Variants in ELP4 observed in about 807,000 individuals in gnomAD.
The protein encoded by ELP4 is elongator complex protein 4.
Under a neutral mutation model 48.9 loss-of-function variants are expected in ELP4, and 51 were observed. The ratio of observed to expected loss-of-function variants is 1.04; its 90% CI spans 0.83 to 1.32. The LOEUF is 1.32. Among genes scored for constraint, ELP4 ranks in the 40% most tolerant of loss-of-function variants. The pLI, the probability that ELP4 is intolerant of heterozygous loss-of-function variation, is 0.00. For missense variants in ELP4, 519 were observed against 514.6 expected (o/e 1.01, Z -0.08); for synonymous variants, 210 against 189.2 (o/e 1.11, Z -0.90).
intron 9 of ELP4, among the ~76,000 whole-genome samples, chr11:31,692,091 T>C (rs987579395): frequency 1.3e-5 from 2 of 152,156 alleles, no homozygotes; most frequent in Non-Finnish European, 2.9e-5. Flanking sequence ...TCTGAGAAAC[T>C]TCTTACTCAG....
chr11:31,572,193 G>A (rs552632487), intron 3 of ELP4, among the ~76,000 whole-genome samples: 53 of 152,316 alleles, frequency 3.5e-4, no homozygotes, highest in African/African-American at 1.3e-3. Flanking sequence ...ACTTGCTGCA[G>A]TTTCAACTTC....
rs1252832704 is a variant in ELP4 at position 31,694,231 on chromosome 11, C to G, written c.1143+44010C>G. 4.6e-5 allele frequency among the ~76,000 whole-genome samples: 7 copies of G among 152,184 alleles called. No individual in the cohort carries two copies. The East Asian group carries it at 1.4e-3, about 29-fold the overall frequency. On this transcript the variant is annotated intron_variant, in intron 9 of 9. Transcript: ENST00000640961. ...CTTTTGGTGTTTTAGACATGAAGTC[C>G]TTGCCCATGCCTATGTCCTGAATGG...
chr11:31,630,090 T>TA (rs1944828669), intron 6 of ELP4, among the ~76,000 whole-genome samples: 1 of 151,816 alleles, frequency 6.6e-6, no homozygotes, highest in Non-Finnish European at 1.5e-5. Flanking sequence ...GATGATAACA[T>TA]AGGGTGTCTT....
intron 9 of ELP4, among the ~76,000 whole-genome samples, chr11:31,741,613 G>A (rs61879804): frequency 0.23 from 35,373 of 152,102 alleles, 4,572 homozygotes; most frequent in Non-Finnish European, 0.29. Flanking sequence ...TGCAGCCACC[G>A]CTGCTGATAC....
intron 9 of ELP4, among the ~76,000 whole-genome samples, chr11:31,674,115 A>T (rs1200871303): frequency 6.6e-6 from 1 of 152,032 alleles, no homozygotes; most frequent in Non-Finnish European, 1.5e-5. Flanking sequence ...GCAATTCATC[A>T]CTCTATTTAC....
intron 3 of ELP4, among the ~76,000 whole-genome samples, chr11:31,561,190 A>G (rs1375407882): frequency 8.5e-5 from 13 of 152,148 alleles, no homozygotes; most frequent in Non-Finnish European, 1.8e-4. Flanking sequence ...CTATAGAATT[A>G]TTTGCAGGTT....
At chr11:31,744,376 T>C (rs948461510) in intron 9 of ELP4, among the ~76,000 whole-genome samples, 1 of 152,166 alleles carries the variant, frequency 6.6e-6, no homozygotes, top group Non-Finnish European at 1.5e-5. Context: ...GAGAGAATCC[T>C]CCCTAACTCA....
intron 3 of ELP4, among the ~76,000 whole-genome samples, chr11:31,555,209 G>T (rs1226679630): frequency 6.6e-6 from 1 of 152,022 alleles, no homozygotes; most frequent in Admixed American, 6.6e-5. Context: ...GGATTTGTAG[G>T]GTCGGTTGAT....
chr11:31,736,329 G>A (rs551450254), intron 9 of ELP4, among the ~76,000 whole-genome samples: 1 of 152,234 alleles, frequency 6.6e-6, no homozygotes, highest in South Asian at 2.1e-4. Context: ...ATTAATTCAA[G>A]CTGGATTAAA....
At chr11:31,579,145 A>C (rs1208269448) in intron 3 of ELP4, among the ~76,000 whole-genome samples, 1 of 152,212 alleles carries the variant, frequency 6.6e-6, no homozygotes, top group Non-Finnish European at 1.5e-5. Flanking sequence ...GACACCTCTC[A>C]AAAGAAGACA....
rs562258085 is a variant in ELP4 at position 31,547,100 on chromosome 11, T to G, written c.381+7317T>G. Among the ~76,000 whole-genome samples, 4 of 152,064 alleles carry G rather than the reference T, an allele frequency of 2.6e-5. No individual in the cohort carries two copies. The East Asian group carries it at 7.8e-4, about 30-fold the overall frequency. On this transcript the variant is annotated intron_variant, in intron 3 of 9. Coordinates refer to ENST00000640961, the MANE Select transcript of ELP4 (RefSeq NM_019040.5). ...ACTAGAGAACCAAGAGCAAACACAT[T>G]GAAAAGCTAGCAGAAGGCAAGAAAT...
In ELP4 at chr11:31,784,090, A is replaced by C. The variant is rs1948436963; in HGVS notation, c.*566A>C. 6.6e-6 allele frequency: 1 copy of C among 152,230 alleles called. No homozygotes were observed. Among genetic ancestry groups the C allele is most frequent in the Non-Finnish European group, 1.5e-5 (1 of 68,020 alleles). 9.4% of individuals were successfully genotyped at this position (152,230 alleles called of 1,614,324 possible). On this transcript the variant is annotated 3_prime_UTR_variant, in exon 10 of 10. Coordinates refer to ENST00000640961, the MANE Select transcript of ELP4 (RefSeq NM_019040.5). Reference sequence around the variant, plus strand: ...TCTACCATAGTAGTTATTAAATATAAAGAACTTCAGTGATAGGAAACATAG... The same window carrying C: ...TCTACCATAGTAGTTATTAAATATACAGAACTTCAGTGATAGGAAACATAG...
intron 5 of ELP4, among the ~76,000 whole-genome samples, chr11:31,626,458 T>G (rs1251128532): frequency 6.6e-6 from 1 of 151,834 alleles, no homozygotes; most frequent in Non-Finnish European, 1.5e-5. Flanking sequence ...TACTGAAGAT[T>G]CTTTGGGATA....
intron 9 of ELP4, among the ~76,000 whole-genome samples, chr11:31,744,901 A>G: frequency 6.6e-6 from 1 of 152,210 alleles, no homozygotes; most frequent in Non-Finnish European, 1.5e-5. Context: ...GCACTCAGGC[A>G]GGGGAAGGAA....
chr11:31,568,687 C>G (rs1957150223), intron 3 of ELP4, among the ~76,000 whole-genome samples: 1 of 152,142 alleles, frequency 6.6e-6, no homozygotes, highest in African/African-American at 2.4e-5. Flanking sequence ...GAAAGGACTC[C>G]CATTCAATAA....
At chr11:31,678,787 T>A (rs910503547) in intron 9 of ELP4, among the ~76,000 whole-genome samples, 2 of 152,144 alleles carry the variant, frequency 1.3e-5, no homozygotes, top group Non-Finnish European at 2.9e-5. Context: ...GGAGTATAAC[T>A]GATAGATTGT....
chr11:31,693,333 G>C (rs867002868), intron 9 of ELP4, among the ~76,000 whole-genome samples: 1 of 151,418 alleles, frequency 6.6e-6, no homozygotes, highest in South Asian at 2.1e-4. Context: ...TGACAGCCCT[G>C]GGTGTGTAAT....
At chr11:31,714,693 A>C (rs1946804866) in intron 9 of ELP4, 1 of 398,494 alleles carries the variant, frequency 2.5e-6, no homozygotes, top group South Asian at 1.3e-4. Flanking sequence ...GGAAGAAGCT[A>C]TTTCCTTGCC....
intron 9 of ELP4, among the ~76,000 whole-genome samples, chr11:31,741,250 G>A (rs888017187): frequency 9.2e-5 from 14 of 152,234 alleles, no homozygotes; most frequent in African/African-American, 3.4e-4. Flanking sequence ...CGGCCGGTAA[G>A]CTGGAACTGG....
Sources: gnomAD v4.1 joint callset for allele counts (sites outside exome capture counted in the v4.1 genomes callset) on GRCh38, gnomAD v4.1.1 for gene constraint, MANE v1.5 for transcripts, NCBI Gene and HGNC (gene_info 2026-07-23, HGNC 2026-07-21) for gene names.